Variants in ZAN observed in about 807,000 individuals in gnomAD.
ZAN encodes the protein zonadhesin.
Under a neutral mutation model 286.2 loss-of-function variants are expected in ZAN, and 260 were observed. The observed-to-expected ratio is 0.91, with a 90% confidence interval of 0.82 to 1.01. ZAN has a LOEUF of 1.01. Among genes scored for constraint, ZAN ranks in the 50% least tolerant of loss-of-function variants. The pLI, the probability that ZAN is intolerant of heterozygous loss-of-function variation, is 0.00. For synonymous variants in ZAN, 1,368 were observed against 1,417.5 expected (o/e 0.97, Z 0.79); for missense variants, 3,410 against 3,639.2 (o/e 0.94, Z 1.62).
At chr7:100,757,534 C>A (rs1297119531) in intron 15 of ZAN, among the ~76,000 whole-genome samples, 1 of 151,710 alleles carries the variant, frequency 6.6e-6, no homozygotes, top group African/African-American at 2.4e-5. Context: ...GCGGGCGGAT[C>A]ACCTGAGGTC....
Position 100,747,597 on chromosome 7 carries a change from T to C in ZAN, c.979T>C (p.Trp327Arg), listed in dbSNP as rs764924420. 1 of 1,613,652 alleles carries C rather than the reference T, an allele frequency of 6.2e-7. No individual in the cohort carries two copies. Among genetic ancestry groups the C allele is most frequent in the Non-Finnish European group, 8.5e-7 (1 of 1,179,834 alleles). ...CTTCTCAGGACAACCTGGGCCCAAC[T>C]GGCAGGCTGTTTCTGTCAATTACAC... is the stretch of plus-strand genomic sequence containing the variant. Reference protein sequence around the residue: ...TLFSGQPGPNWQAVSVNYTAV... With the variant: ...TLFSGQPGPNRQAVSVNYTAV... The change falls in exon 9 of 48, where the codon TGG becomes CGG. Residue 327 changes from tryptophan to arginine, a missense_variant. Trp to Arg is a moderately radical substitution (Grantham distance 101). Around this residue, in one of 7 missense-constraint regions of ZAN, gnomAD observed 872 missense variants for 938.9 expected, o/e 0.93. Coordinates refer to ENST00000613979, the MANE Select transcript of ZAN (RefSeq NM_003386.3).
chr7:100,737,562 C>T (rs1193006709), intron 6 of ZAN, among the ~76,000 whole-genome samples: 6 of 139,926 alleles, frequency 4.3e-5, no homozygotes, highest in Admixed American at 7.1e-5. Flanking sequence ...AAAAATTAGC[C>T]GGGCGCGGTG....
chr7:100,734,047 T>C lies in ZAN; in HGVS notation c.-122T>C. 1.7e-6 allele frequency: 1 copy of C among 605,902 alleles called. No individual in the cohort carries two copies. The highest frequency in any genetic ancestry group is 3.0e-6 in the Non-Finnish European group (1 of 333,778). 37.5% of individuals were successfully genotyped at this position (605,902 alleles called of 1,614,324 possible). On this transcript the variant is annotated 5_prime_UTR_variant, in exon 2 of 48. Transcript: ENST00000613979. The stretch of plus-strand genomic sequence containing the variant: ...CCCAGAGCTTTTCTGTGTTTCTCTG[T>C]TCATTCTTCATGGCATCCTTGGAAG...
Position 100,752,141 on chromosome 7 carries a change from C to A in ZAN, c.2036C>A (p.Thr679Lys). 1 of 1,611,268 alleles carries A rather than the reference C, an allele frequency of 6.2e-7. No individual in the cohort carries two copies. The highest frequency in any genetic ancestry group is 8.5e-7 in the Non-Finnish European group (1 of 1,179,152). ...TCCATGGAAGAGCCTGTCATCCCTA[C>A]AGAAAAACCCAGCATCCCTACAGAA... is the stretch of plus-strand genomic sequence containing the variant. ...TTSMEEPVIP[T>K]EKPSIPTEKP... Residue 679 changes from threonine (T) to lysine (K), a missense_variant, in exon 14 of 48, where the codon ACA becomes AAA. Coordinates refer to ENST00000613979, the MANE Select transcript of ZAN (RefSeq NM_003386.3).
At position 100,779,456 on chromosome 7, in the gene ZAN, C is replaced by T; in HGVS notation, c.6328C>T (p.Leu2110Phe). The T allele has an allele frequency of 1.9e-6, 3 of 1,604,720 alleles. No homozygotes were observed. Among genetic ancestry groups the T allele is most frequent in the Middle Eastern group, 1.7e-4 (1 of 6,036 alleles). Residue 2110 changes from leucine (L) to phenylalanine (F), a missense_variant, in exon 35 of 48, where the codon CTC becomes TTC. This residue lies in a region of ZAN where 1,289 missense variants were observed against 1,314.3 expected (regional missense o/e 0.98). Coordinates refer to ENST00000613979, the MANE Select transcript of ZAN (RefSeq NM_003386.3). ...CTTTTCCCTTCCCAGTTGTCAGAGT[C>T]TCCTGGTAGATGAGCAGCAGATTCC... ...DKDIDPSCQSLLVDEQQIPAE... is the reference protein window; with the variant it reads ...DKDIDPSCQSFLVDEQQIPAE...
chr7:100,733,992 G>A, intron 1 of ZAN, 35 bp from the exon 2 acceptor site: 1 of 443,592 alleles, frequency 2.3e-6, no homozygotes, highest in Non-Finnish European at 4.3e-6. Context: ...TCTACTGGAT[G>A]GTAACTTTCA....
intron 45 of ZAN, 31 bp downstream of exon 45, chr7:100,795,367 C>T (rs1812295134): frequency 1.3e-6 from 2 of 1,490,254 alleles, no homozygotes; most frequent in African/African-American, 2.8e-5. Flanking sequence ...CCTGTACCCT[C>T]ACAACCTCTT....
Position 100,781,266 on chromosome 7 carries a change from CCAT to C in ZAN, c.6622+1517_6622+1519del, listed in dbSNP as rs1278974765. On this transcript the variant is annotated intron_variant, in intron 35 of 47. Transcript: ENST00000613979. ...TATTTTTAGTAGAGACAGGGTTTCACCATGTTGGCCAGGTTGGTCTCGATCTCT... is the reference window on the plus strand; with the variant it reads ...TATTTTTAGTAGAGACAGGGTTTCACGTTGGCCAGGTTGGTCTCGATCTCT... 6.6e-5 allele frequency among the ~76,000 whole-genome samples: 10 copies of C among 152,214 alleles called. No homozygotes were observed. In the East Asian group the frequency reaches 1.9e-3, roughly 29 times the overall value.
chr7:100,764,590 G>A, intron 22 of ZAN, among the ~76,000 whole-genome samples: 1 of 151,750 alleles, frequency 6.6e-6, no homozygotes, highest in African/African-American at 2.4e-5. Context: ...CTTGGAGGCT[G>A]AGGCAGGAGA....
At chr7:100,796,563 C>G (rs765788759) in intron 45 of ZAN, among the ~76,000 whole-genome samples, 34 of 151,924 alleles carry the variant, frequency 2.2e-4, no homozygotes, top group Non-Finnish European at 3.8e-4. Flanking sequence ...ATTACAGGCG[C>G]CGGCCACCAC....
Position 100,755,246 on chromosome 7 carries a change from C to G in ZAN, c.3145C>G (p.Arg1049Gly). 2 of 1,612,802 alleles carry G rather than the reference C, an allele frequency of 1.2e-6. No homozygotes were observed. The highest frequency in any genetic ancestry group is 1.7e-6 in the Non-Finnish European group (2 of 1,179,270). ...CTTAGAGCGCTGCCCTCCAAATGCC[C>G]GCTACGAATCCTGTGCTTGTCCTGC... Reference protein sequence around the residue: ...SSTERCPPNARYESCACPASC... With the variant: ...SSTERCPPNAGYESCACPASC... The change falls in exon 15 of 48, where the codon CGC (arginine) becomes GGC (glycine). Residue 1049 changes from arginine (R) to glycine (G), a missense_variant. Arg to Gly is a moderately radical substitution (Grantham distance 125, BLOSUM62 -2). Coordinates refer to ENST00000613979, the MANE Select transcript of ZAN (RefSeq NM_003386.3).
In ZAN at chr7:100,767,041, C is replaced by T. The variant is rs1051661405; in HGVS notation, c.4644C>T (p.Pro1548=). The part of the protein sequence containing the change: ...GAATCTASGD[P]HYLTFDGALH... ...CCACCTGCACAGCCTCGGGTGACCC[C>T]CACTACCTGACCTTCGATGGCGCCT... The change falls in exon 25 of 48, where the codon CCC becomes CCT. Residue 1548 remains proline, a synonymous_variant. Transcript: ENST00000613979. The T allele has an allele frequency of 1.2e-6, 2 of 1,613,820 alleles. No individual in the cohort carries two copies. Among genetic ancestry groups the T allele is most frequent in the African/African-American group, 2.7e-5 (2 of 74,908 alleles).
intron 6 of ZAN, among the ~76,000 whole-genome samples, chr7:100,737,663 G>T (rs1807411039): frequency 1.4e-5 from 2 of 138,072 alleles, no homozygotes; most frequent in Non-Finnish European, 3.2e-5. Context: ...CCGAGATCGT[G>T]CCACTGCACT....
rs779505881 is a variant in ZAN, at chr7:100,794,194, G to A, written c.8061G>A (p.Glu2687=). The change falls in exon 44 of 48, where the codon GAG becomes GAA. Residue 2687 remains glutamate, a synonymous_variant. Coordinates refer to ENST00000613979, the MANE Select transcript of ZAN (RefSeq NM_003386.3). ...TCASSRILLC[E]PFSCRAGEVC... is the part of the protein sequence containing the mutation. ...CCAGCTCACGGATCCTGCTGTGTGA[G>A]CCCTTCAGCTGCAGAGCGGGGGAGG... 1 of 1,613,966 alleles carries A rather than the reference G, an allele frequency of 6.2e-7. No homozygotes were observed. Among genetic ancestry groups the A allele is most frequent in the Non-Finnish European group, 8.5e-7 (1 of 1,179,876 alleles).
chr7:100,751,430 G>A (rs1808656112), intron 13 of ZAN, among the ~76,000 whole-genome samples, 164 bp downstream of exon 13: 1 of 152,178 alleles, frequency 6.6e-6, no homozygotes, highest in African/African-American at 2.4e-5. Context: ...TGCACTTCAA[G>A]ATGTTTGCCT....
At chr7:100,767,538 C>A (rs540591775) in intron 25 of ZAN, among the ~76,000 whole-genome samples, 5 of 132,244 alleles carry the variant, frequency 3.8e-5, no homozygotes, top group African/African-American at 1.4e-4. Context: ...TGCAGTGGTG[C>A]GATCATAGCT....
Position 100,779,592 on chromosome 7 carries a change from C to T in ZAN, c.6464C>T (p.Ser2155Phe), listed in dbSNP as rs1347252164. 10 of 1,608,716 alleles carry T rather than the reference C, an allele frequency of 6.2e-6. No individual in the cohort carries two copies. Among genetic ancestry groups the T allele is most frequent in the Non-Finnish European group, 8.5e-6 (10 of 1,177,788 alleles). ...LRAPVWAQCA[S>F]RIDLTPFLVD... Reference sequence around the variant, plus strand: ...GCTCCTGTGTGGGCCCAGTGCGCCTCCCGCATAGACCTCACGCCCTTCCTG... The same window carrying T: ...GCTCCTGTGTGGGCCCAGTGCGCCTTCCGCATAGACCTCACGCCCTTCCTG... The change falls in exon 35 of 48, where the codon TCC becomes TTC. Residue 2155 changes from serine to phenylalanine, a missense_variant. Physicochemically the swap from Ser to Phe is radical, Grantham distance 155. Coordinates refer to ENST00000613979, the MANE Select transcript of ZAN (RefSeq NM_003386.3).
rs571243365 is a variant in ZAN at position 100,752,856 on chromosome 7, G to T, written c.2751G>T (p.Thr917=). Residue 917 remains threonine, a synonymous_variant, in exon 14 of 48, where the codon ACG becomes ACT. Coordinates refer to ENST00000613979, the MANE Select transcript of ZAN (RefSeq NM_003386.3). ...TISPEKPTIS[T]EKPTIPTEKP... ...CCCCAGAAAAACCCACCATCTCCAC[G>T]GAAAAACCCACCATCCCCACGGAAA... is the stretch of plus-strand genomic sequence containing the variant. 1 of 1,465,266 alleles carries T rather than the reference G, an allele frequency of 6.8e-7. No individual in the cohort carries two copies. Among genetic ancestry groups the T allele is most frequent in the Non-Finnish European group, 9.1e-7 (1 of 1,097,974 alleles). The allele number at this position is 1,465,266 out of a possible 1,614,324, so 90.8% of individuals were successfully genotyped here.
chr7:100,785,152 C>T (rs1156341721), intron 36 of ZAN, among the ~76,000 whole-genome samples: 1 of 151,660 alleles, frequency 6.6e-6, no homozygotes, highest in Admixed American at 6.6e-5. Flanking sequence ...TATCCGTTTC[C>T]TCATCTGTAA....
Sources: allele counts gnomAD v4.1 joint callset (sites outside exome capture counted in the v4.1 genomes callset), GRCh38; gene constraint gnomAD v4.1.1; regional missense constraint gnomAD v4.1.1; transcripts MANE v1.5; gene names NCBI Gene and HGNC (gene_info 2026-07-23, HGNC 2026-07-21).